Variants in LOC128462377 observed in about 807,000 individuals in gnomAD.
the LOC128462377 span, among the ~76,000 whole-genome samples, chr16:89,383,865 A>G: frequency 1.3e-5 from 2 of 152,126 alleles, no homozygotes; most frequent in African/African-American, 4.8e-5. Flanking sequence ...CACCACCTCC[A>G]AGCTCCAGTC....
chr16:89,321,137 C>A, the LOC128462377 span: 1 of 152,568 alleles, frequency 6.6e-6, no homozygotes, highest in Non-Finnish European at 1.5e-5. Flanking sequence ...AGCTGCGATT[C>A]CCTCTGCTCC....
At chr16:89,335,207 T>C in the LOC128462377 span, among the ~76,000 whole-genome samples, 1 of 152,170 alleles carries the variant, frequency 6.6e-6, no homozygotes, top group African/African-American at 2.4e-5. Flanking sequence ...TTCCCCATTG[T>C]CCTGGCGTTC....
the LOC128462377 span, among the ~76,000 whole-genome samples, chr16:89,340,844 G>A: frequency 6.6e-6 from 1 of 152,188 alleles, no homozygotes; most frequent in Admixed American, 6.5e-5. Flanking sequence ...CCTGGGGAGA[G>A]GATGCACAGC....
the LOC128462377 span, among the ~76,000 whole-genome samples, chr16:89,359,283 T>A: frequency 6.6e-6 from 1 of 152,182 alleles, no homozygotes; most frequent in Non-Finnish European, 1.5e-5. Flanking sequence ...TGCTTCTTTA[T>A]TTTTAGTAAA....
At chr16:89,322,962 G>C in the LOC128462377 span, 9 of 257,334 alleles carry the variant, frequency 3.5e-5, no homozygotes, top group Non-Finnish European at 6.2e-5. Context: ...GCTCACTTGA[G>C]CCTCCCAAGT....
chr16:89,384,889 T>C, the LOC128462377 span, among the ~76,000 whole-genome samples: 4 of 119,150 alleles, frequency 3.4e-5, no homozygotes, highest in Admixed American at 8.6e-5. Flanking sequence ...CTTTTTTTTT[T>C]TTTTTTTTTT....
At chr16:89,368,381 T>G in the LOC128462377 span, among the ~76,000 whole-genome samples, 275 of 124,084 alleles carry the variant, frequency 2.2e-3, 1 homozygote, top group African/African-American at 9.8e-3. Context: ...GTTTTTTTTT[T>G]TTTTTTTTTT....
chr16:89,322,490 A>T, the LOC128462377 span, among the ~76,000 whole-genome samples: 1 of 152,256 alleles, frequency 6.6e-6, no homozygotes, highest in Non-Finnish European at 1.5e-5. Context: ...TCACGCAGGC[A>T]CGTGGCCTCA....
the LOC128462377 span, among the ~76,000 whole-genome samples, chr16:89,393,347 G>A: frequency 7.0e-6 from 1 of 142,110 alleles, no homozygotes; most frequent in Non-Finnish European, 1.5e-5. Context: ...GGCTTGCTCT[G>A]TAGTGCGAGA....
the LOC128462377 span, among the ~76,000 whole-genome samples, chr16:89,404,111 T>C: frequency 2.0e-5 from 3 of 152,178 alleles, no homozygotes; most frequent in African/African-American, 4.8e-5. Flanking sequence ...CGGCACATGA[T>C]TGTGAAGAAT....
chr16:89,339,834 G>C, the LOC128462377 span: 195 of 152,286 alleles, frequency 1.3e-3, no homozygotes, highest in African/African-American at 4.3e-3. Context: ...ATCTGATTTT[G>C]GGGCTAAGCA....
chr16:89,418,035 C>T, the LOC128462377 span, among the ~76,000 whole-genome samples: 3 of 152,150 alleles, frequency 2.0e-5, no homozygotes, highest in Non-Finnish European at 2.9e-5. Context: ...CTATTAACAA[C>T]CTATTTAATT....
At chr16:89,373,217 G>A in the LOC128462377 span, 1 of 152,262 alleles carries the variant, frequency 6.6e-6, no homozygotes, top group Non-Finnish European at 1.5e-5. Flanking sequence ...ACCCAAGATT[G>A]TGAAGCAATT....
chr16:89,347,205 T>G, the LOC128462377 span, among the ~76,000 whole-genome samples: 1 of 152,120 alleles, frequency 6.6e-6, no homozygotes, highest in Non-Finnish European at 1.5e-5. Context: ...AGCACCTGGG[T>G]GAGGGCTTCT....
At chr16:89,335,718 C>T in the LOC128462377 span, among the ~76,000 whole-genome samples, 1 of 152,224 alleles carries the variant, frequency 6.6e-6, no homozygotes, top group African/African-American at 2.4e-5. Flanking sequence ...GGCCTGCAAA[C>T]AGCAAGGACC....
chr16:89,346,736 T>C, the LOC128462377 span, among the ~76,000 whole-genome samples: 1 of 152,106 alleles, frequency 6.6e-6, no homozygotes, highest in Non-Finnish European at 1.5e-5. Context: ...GGTAAAGTGG[T>C]TGTTAGAGGG....
the LOC128462377 span, among the ~76,000 whole-genome samples, chr16:89,353,687 C>G: frequency 6.6e-6 from 1 of 152,168 alleles, no homozygotes; most frequent in South Asian, 2.1e-4. Context: ...ATCATGTTGG[C>G]CAGGCTGGTT....
chr16:89,413,431 C>T, the LOC128462377 span, among the ~76,000 whole-genome samples: 1 of 152,222 alleles, frequency 6.6e-6, no homozygotes, highest in South Asian at 2.1e-4. Context: ...CGACACCATC[C>T]TAGCTAACAC....
the LOC128462377 span, among the ~76,000 whole-genome samples, chr16:89,405,678 G>C: frequency 6.6e-6 from 1 of 151,994 alleles, no homozygotes; most frequent in African/African-American, 2.4e-5. Context: ...CTGCAGATAA[G>C]GCATGTTCTC....
Sources: gnomAD v4.1 joint callset for allele counts (sites outside exome capture counted in the v4.1 genomes callset) on GRCh38, gnomAD v4.1.1 for gene constraint, MANE v1.5 for transcripts.